VPS54: variants seen among roughly 807,000 people sequenced by gnomAD.
VPS54 encodes the protein vacuolar protein sorting-associated protein 54.
In VPS54, 45 loss-of-function variants were observed where a neutral mutation model predicts 121.5. The observed-to-expected ratio is 0.37, with a 90% confidence interval of 0.29 to 0.47. The LOEUF (loss-of-function observed/expected upper bound fraction) is 0.47. Ranked by LOEUF, VPS54 falls within the 20% of genes least tolerant of loss-of-function variation. The pLI, the probability that VPS54 is intolerant of heterozygous loss-of-function variation, is 0.99. For missense variants in VPS54, 1,090 were observed against 1,131.4 expected (o/e 0.96, Z 0.52); for synonymous variants, 371 against 385.8 (o/e 0.96, Z 0.45).
chr2:63,928,920 G>A (rs2104472152), intron 12 of VPS54, among the ~76,000 whole-genome samples: 1 of 150,552 alleles, frequency 6.6e-6, no homozygotes, highest in East Asian at 2.0e-4. Flanking sequence ...AAGACACAAA[G>A]AAGACCATTA....
At chr2:63,959,975 G>A (rs1049374257) in intron 7 of VPS54, among the ~76,000 whole-genome samples, 3 of 152,128 alleles carry the variant, frequency 2.0e-5, no homozygotes, top group African/African-American at 7.2e-5. Flanking sequence ...AACCGAGATC[G>A]TGCCACTGCA....
At chr2:63,968,308 T>C (rs1676106316) in intron 5 of VPS54, among the ~76,000 whole-genome samples, 1 of 151,790 alleles carries the variant, frequency 6.6e-6, no homozygotes, top group Non-Finnish European at 1.5e-5. Flanking sequence ...TTTTAAAATA[T>C]TTGTAGGTTT....
chr2:63,935,221 C>A (rs897340335), intron 11 of VPS54, among the ~76,000 whole-genome samples: 16 of 152,054 alleles, frequency 1.1e-4, no homozygotes, highest in African/African-American at 3.9e-4. Context: ...GCTAATAAAT[C>A]CTCTTAACTG....
chr2:63,981,260 G>C (rs901096586), intron 3 of VPS54, among the ~76,000 whole-genome samples: 1 of 152,112 alleles, frequency 6.6e-6, no homozygotes, highest in Admixed American at 6.5e-5. Context: ...ATAACTATCT[G>C]CTAGAGCTAG....
chr2:63,984,819 T>C (rs1331358346), intron 1 of VPS54, among the ~76,000 whole-genome samples: 1 of 152,160 alleles, frequency 6.6e-6, no homozygotes. Flanking sequence ...TAAGACTTTA[T>C]AAATGAAGCA....
chr2:63,963,844 C>A (rs1382894227), intron 6 of VPS54, among the ~76,000 whole-genome samples: 1 of 152,010 alleles, frequency 6.6e-6, no homozygotes, highest in Non-Finnish European at 1.5e-5. Flanking sequence ...ACAGTGCTAC[C>A]CAGAATGTGA....
intron 1 of VPS54, among the ~76,000 whole-genome samples, chr2:63,995,822 G>A (rs1469915378): frequency 6.6e-6 from 1 of 152,106 alleles, no homozygotes. Flanking sequence ...ACACCTTCTG[G>A]GTAGGGAAGA....
intron 21 of VPS54, among the ~76,000 whole-genome samples, chr2:63,897,821 G>T (rs532022686): frequency 7.2e-5 from 11 of 152,196 alleles, no homozygotes; most frequent in Non-Finnish European, 1.6e-4. Context: ...AAAAATTCCC[G>T]TAAGTGGGAT....
At chr2:63,969,076 G>T in intron 4 of VPS54, 85 bp from the exon 5 acceptor site, 2 of 1,114,044 alleles carry the variant, frequency 1.8e-6, no homozygotes, top group Non-Finnish European at 2.6e-6. Flanking sequence ...ATTCAGTATT[G>T]TACTGGGTCA....
At chr2:63,970,313 A>ATATATAGATATATATAGATATAT (rs1312969372) in intron 4 of VPS54, among the ~76,000 whole-genome samples, 51 of 148,198 alleles carry the variant, frequency 3.4e-4, no homozygotes, top group South Asian at 8.4e-4. Context: ...AGATATAGAT[A>ATATATAGATATATATAGATATAT]AAACCCAGGC....
intron 11 of VPS54, among the ~76,000 whole-genome samples, chr2:63,934,265 C>T (rs893647849): frequency 6.6e-6 from 1 of 152,110 alleles, no homozygotes; most frequent in African/African-American, 2.4e-5. Flanking sequence ...AAATGGAAAT[C>T]TCCCTAAAAT....
Position 63,983,934 on chromosome 2 carries a change from T to C in VPS54, c.66A>G (p.Ile22Met), listed in dbSNP as rs747641986. The change falls in exon 2 of 23, where the codon ATA becomes ATG. Residue 22 changes from isoleucine (I) to methionine (M), a missense_variant. Ile to Met is a conservative substitution (Grantham distance 10, BLOSUM62 1). Coordinates refer to ENST00000272322, the MANE Select transcript of VPS54 (RefSeq NM_016516.3). ...QGSSSDVFFK[I>M]EVDPSKHIRP... ...GAATGTGTTTTGACGGATCTACCTC[T>C]ATTTTAAAGAAAACATCACTGCTGC... is the stretch of plus-strand genomic sequence containing the variant. The C allele has an allele frequency of 3.7e-6, 6 of 1,613,972 alleles. No homozygotes were observed. Among genetic ancestry groups the C allele is most frequent in the Non-Finnish European group, 4.2e-6 (5 of 1,179,904 alleles).
chr2:63,959,989 C>T (rs1005295760), intron 7 of VPS54, among the ~76,000 whole-genome samples: 2 of 151,838 alleles, frequency 1.3e-5, no homozygotes, highest in African/African-American at 4.8e-5. Context: ...CACTGCACTC[C>T]AGCCTGGGCA....
At chr2:63,921,638 C>T (rs1673651107) in intron 12 of VPS54, among the ~76,000 whole-genome samples, 1 of 152,126 alleles carries the variant, frequency 6.6e-6, no homozygotes, top group African/African-American at 2.4e-5. Context: ...AGCAAACCCC[C>T]TACCTCAGCC....
chr2:64,017,487 T>C (rs985102791), intron 1 of VPS54, among the ~76,000 whole-genome samples: 3 of 152,136 alleles, frequency 2.0e-5, no homozygotes, highest in Non-Finnish European at 2.9e-5. Flanking sequence ...CCAGAAAATA[T>C]AAGCATATGC....
At chr2:64,002,955 T>C (rs1677954482) in intron 1 of VPS54, among the ~76,000 whole-genome samples, 1 of 152,160 alleles carries the variant, frequency 6.6e-6, no homozygotes, top group South Asian at 2.1e-4. Flanking sequence ...CATCACATAA[T>C]TATAAAAGTA....
At chr2:63,980,324 C>T (rs969285453) in intron 3 of VPS54, among the ~76,000 whole-genome samples, 6 of 152,004 alleles carry the variant, frequency 3.9e-5, no homozygotes, top group Admixed American at 2.6e-4. Flanking sequence ...CTTTCAAATG[C>T]TTTTTTCTTT....
chr2:63,935,239 C>A (rs1009055018), intron 11 of VPS54, among the ~76,000 whole-genome samples: 4 of 152,100 alleles, frequency 2.6e-5, no homozygotes, highest in African/African-American at 9.7e-5. Flanking sequence ...CTGTTTGAGA[C>A]CCTCTGAGTT....
At chr2:63,943,727 C>CTTTCTTTT (rs34858643) in intron 10 of VPS54, among the ~76,000 whole-genome samples, 11 of 129,596 alleles carry the variant, frequency 8.5e-5, no homozygotes, top group Non-Finnish European at 1.4e-4. Flanking sequence ...TTCTTTCTTT[C>CTTTCTTTT]TTTTTTTTTT....
Sources: allele counts gnomAD v4.1 joint callset (sites outside exome capture counted in the v4.1 genomes callset), GRCh38; gene constraint gnomAD v4.1.1; transcripts MANE v1.5; gene names NCBI Gene and HGNC (gene_info 2026-07-23, HGNC 2026-07-21).